S100Z: variants seen among roughly 807,000 people sequenced by gnomAD.
S100Z encodes S100 calcium binding protein Z, also known as protein S100-Z.
S100Z carries 11 observed loss-of-function variants against 8.5 expected under a neutral mutation model. That is an observed-to-expected ratio of 1.30 (90% CI 0.82 to 2.15). The LOEUF (loss-of-function observed/expected upper bound fraction) is 2.15. Ranked by LOEUF, S100Z falls within the 30% of genes most tolerant of loss-of-function variation. S100Z has a pLI of 0.00. For missense variants in S100Z, 126 were observed against 117.9 expected (o/e 1.07, Z -0.32); for synonymous variants, 34 against 43.8 (o/e 0.78, Z 0.89).
chr5:76,878,731 G>A (rs11957835), intron 4 of S100Z, among the ~76,000 whole-genome samples: 12,652 of 152,208 alleles, frequency 0.083, 1,776 homozygotes, highest in African/African-American at 0.29. Context: ...GATGGCAATC[G>A]TGGCAGGCAA....
At chr5:76,938,100 C>CA in the S100Z span, among the ~76,000 whole-genome samples, 3 of 82,650 alleles carry the variant, frequency 3.6e-5, no homozygotes. Context: ...TCTCAAAAAA[C>CA]AAAAAATAAA....
At chr5:76,926,520 A>T, downstream of S100Z, among the ~76,000 whole-genome samples, 1 of 152,120 alleles carries the variant, frequency 6.6e-6, no homozygotes, top group East Asian at 1.9e-4. Flanking sequence ...GCTCCTCAGG[A>T]TCTGCTGTGA....
Position 76,903,787 on chromosome 5 carries a change from A to G in S100Z, c.*3-16930A>G, listed in dbSNP as rs149052383. 8.1e-4 allele frequency among the ~76,000 whole-genome samples: 122 copies of G among 150,610 alleles called. 4 individuals carry two copies. In the East Asian group the frequency reaches 0.021, roughly 26 times the overall value. On this transcript the variant is annotated intron_variant, in intron 4 of 4. Transcript: ENST00000317593. ...GTTGCCCAGGCTGGAGTGCAGTGGCACAATCTTAGATCACTGCAACCTCTG... is the reference window on the plus strand; with the variant it reads ...GTTGCCCAGGCTGGAGTGCAGTGGCGCAATCTTAGATCACTGCAACCTCTG...
intron 1 of S100Z, among the ~76,000 whole-genome samples, chr5:76,862,751 G>A (rs939363083): frequency 4.6e-5 from 7 of 151,974 alleles, no homozygotes; most frequent in Admixed American, 6.6e-5. Flanking sequence ...GCAGTGAGCC[G>A]AGATCAAGCC....
chr5:76,937,848 T>C, the S100Z span, among the ~76,000 whole-genome samples: 3 of 151,978 alleles, frequency 2.0e-5, no homozygotes, highest in Non-Finnish European at 4.4e-5. Flanking sequence ...TTTCTGCTGC[T>C]CTTTCATTCC....
At chr5:76,935,783 T>TG in the S100Z span, among the ~76,000 whole-genome samples, 1 of 149,016 alleles carries the variant, frequency 6.7e-6, no homozygotes, top group African/African-American at 2.5e-5. Flanking sequence ...TTTTTTTTTT[T>TG]GCGATGGAGT....
chr5:76,862,029 T>C (rs1320305), intron 1 of S100Z, among the ~76,000 whole-genome samples: 149,345 of 152,220 alleles, frequency 0.98, 73,275 homozygotes, highest in Middle Eastern at 1. Context: ...TGTCATTAAT[T>C]CTCCATGTAT....
At chr5:76,865,681 A>AAAT (rs1239300267) in intron 1 of S100Z, among the ~76,000 whole-genome samples, 2 of 152,026 alleles carry the variant, frequency 1.3e-5, no homozygotes, top group African/African-American at 4.8e-5. Flanking sequence ...TGTTATTACA[A>AAAT]AAGTGTCAAA....
chr5:76,922,899 C>A (rs1247202003), downstream of S100Z, among the ~76,000 whole-genome samples: 2 of 152,006 alleles, frequency 1.3e-5, no homozygotes, highest in Admixed American at 1.3e-4. Flanking sequence ...ATATATGCAT[C>A]TTAATAAAAT....
the S100Z span, among the ~76,000 whole-genome samples, chr5:76,927,765 CAT>C: frequency 6.6e-6 from 1 of 152,242 alleles, no homozygotes; most frequent in East Asian, 1.9e-4. Context: ...GGTCCAGCCT[CAT>C]TCCCATGTTT....
intron 4 of S100Z, among the ~76,000 whole-genome samples, chr5:76,894,743 G>A (rs2150664415): frequency 6.6e-6 from 1 of 151,986 alleles, no homozygotes; most frequent in South Asian, 2.1e-4. Flanking sequence ...TTACAGGCAT[G>A]CACTACCATG....
the S100Z span, among the ~76,000 whole-genome samples, chr5:76,931,376 G>T: frequency 2.5e-4 from 38 of 152,160 alleles, no homozygotes; most frequent in Non-Finnish European, 4.1e-4. Flanking sequence ...GCCTCCCGAA[G>T]TGTTGGGATT....
chr5:76,931,801 ATTCTTC>A, the S100Z span, among the ~76,000 whole-genome samples: 1 of 151,640 alleles, frequency 6.6e-6, no homozygotes, highest in African/African-American at 2.4e-5. Flanking sequence ...GGTTTTTTTT[ATTCTTC>A]TTTTTTTTTG....
intron 1 of S100Z, among the ~76,000 whole-genome samples, chr5:76,859,524 T>C (rs1750988885): frequency 6.6e-6 from 1 of 152,110 alleles, no homozygotes; most frequent in South Asian, 2.1e-4. Flanking sequence ...CTCACGTCTG[T>C]AATCCCAGCA....
At chr5:76,934,575 C>T in the S100Z span, among the ~76,000 whole-genome samples, 2 of 152,186 alleles carry the variant, frequency 1.3e-5, no homozygotes, top group Non-Finnish European at 2.9e-5. Context: ...ATGCAGGCTC[C>T]ACCCTCATAA....
At chr5:76,914,749 G>A (rs374645883) in intron 4 of S100Z, among the ~76,000 whole-genome samples, 111 of 151,928 alleles carry the variant, frequency 7.3e-4, no homozygotes, top group African/African-American at 2.5e-3. Context: ...TGAAGCCAGC[G>A]AGACCACAAA....
At chr5:76,850,335 G>GGAGAGA (rs1172691001) in intron 1 of S100Z, among the ~76,000 whole-genome samples, 180 bp downstream of exon 1, 2 of 111,064 alleles carry the variant, frequency 1.8e-5, no homozygotes, top group Non-Finnish European at 3.5e-5. Flanking sequence ...GGGGGGTGGG[G>GGAGAGA]GAGAGAGAGA....
At chr5:76,922,056 G>C (rs568454058), downstream of S100Z, among the ~76,000 whole-genome samples, 3 of 151,804 alleles carry the variant, frequency 2.0e-5, no homozygotes, top group Admixed American at 6.6e-5. Flanking sequence ...TACATGTTCA[G>C]ATATGCTGTT....
intron 4 of S100Z, among the ~76,000 whole-genome samples, chr5:76,901,790 T>C (rs911802068): frequency 4.6e-5 from 7 of 152,142 alleles, no homozygotes; most frequent in Non-Finnish European, 8.8e-5. Flanking sequence ...CGTTGCTCCA[T>C]AGCCACCACA....
Sources: allele counts gnomAD v4.1 joint callset (sites outside exome capture counted in the v4.1 genomes callset), GRCh38; gene constraint gnomAD v4.1.1; transcripts MANE v1.5; gene names NCBI Gene and HGNC (gene_info 2026-07-23, HGNC 2026-07-21).